The following GLG1 variants were observed in gnomAD, a reference collection of about 807,000 sequenced individuals.
GLG1 encodes the protein golgi glycoprotein 1, also known as Golgi apparatus protein 1.
A neutral mutation model predicts 160.5 loss-of-function variants in GLG1; 38 were observed. That is an observed-to-expected ratio of 0.24 (90% CI 0.18 to 0.31). The LOEUF is 0.31. GLG1 is among the 10% of genes least tolerant of loss of function. GLG1 has a pLI of 1.00. For synonymous variants in GLG1, 644 were observed against 543.4 expected (o/e 1.19, Z -2.57); for missense variants, 1,373 against 1,505.2 (o/e 0.91, Z 1.45).
chr16:74,551,489 T>TTA (rs58883603), intron 1 of GLG1, among the ~76,000 whole-genome samples: 23 of 145,190 alleles, frequency 1.6e-4, no homozygotes, highest in African/African-American at 2.8e-4. Context: ...TTTTTTTTTT[T>TTA]AATTTTTAGT....
Position 74,560,133 on chromosome 16 carries a change from C to G in GLG1, c.439-27980G>C, listed in dbSNP as rs989796279. On this transcript the variant is annotated intron_variant, in intron 1 of 25. Coordinates refer to ENST00000422840, the MANE Select transcript of GLG1 (RefSeq NM_001145667.2). The stretch of plus-strand genomic sequence containing the variant: ...CATTGTTCTGGGTGGGTCTACGGTG[C>G]TGTTTTTGGATGAGATTAGCACTTG... 6.6e-5 allele frequency among the ~76,000 whole-genome samples: 10 copies of G among 152,206 alleles called. No homozygotes were observed. In the East Asian group the frequency reaches 1.5e-3, roughly 24 times the overall value.
chr16:74,503,301 T>C (rs1001034051), intron 4 of GLG1, among the ~76,000 whole-genome samples: 29 of 152,094 alleles, frequency 1.9e-4, no homozygotes, highest in African/African-American at 6.8e-4. Flanking sequence ...ATAACACCAC[T>C]CTTTGCAGGT....
At chr16:74,486,568 A>G (rs2015792106) in intron 8 of GLG1, among the ~76,000 whole-genome samples, 2 of 152,230 alleles carry the variant, frequency 1.3e-5, no homozygotes, top group Admixed American at 6.5e-5. Context: ...AAATGAGACT[A>G]TATTCTTTAT....
chr16:74,506,526 G>T (rs1010100633), intron 3 of GLG1, among the ~76,000 whole-genome samples: 2 of 128,670 alleles, frequency 1.6e-5, no homozygotes, highest in East Asian at 5.2e-4. Context: ...AGCTTGCAGC[G>T]AGCAGAGATC....
rs2016286724 is a variant in GLG1 at position 74,498,461 on chromosome 16, T to TATATATATATATATATATATATAC, written c.775-1818_775-1817insGTATATATATATATATATATATAT. ...AAAAAAAAAAAAGTATATATATATA[T>TATATATATATATATATATATATAC]ATATATTATATTTTATATATATATT... On this transcript the variant is annotated intron_variant, in intron 4 of 25. Transcript: ENST00000422840. Among the ~76,000 whole-genome samples, 11 of 101,570 alleles carry TATATATATATATATATATATATAC rather than the reference T, an allele frequency of 1.1e-4. 2 individuals carry two copies. Among genetic ancestry groups the TATATATATATATATATATATATAC allele is most frequent in the Admixed American group, 7.4e-4 (7 of 9,400 alleles). 66.6% of individuals were successfully genotyped at this position (101,570 alleles called of 152,430 possible). A position where few individuals can be genotyped will look rare whatever the true frequency, so the allele number is the denominator to read the frequency against.
rs982641919 is a variant in GLG1 at position 74,463,068 on chromosome 16, T to C, written c.2791+288A>G. The C allele has an allele frequency of 8.4e-6, 4 of 473,790 alleles. No homozygotes were observed. In the East Asian group the frequency reaches 1.1e-4, roughly 13 times the overall value. 29.3% of individuals were successfully genotyped at this position (473,790 alleles called of 1,614,324 possible). A position where few individuals can be genotyped will look rare whatever the true frequency, so the allele number is the denominator to read the frequency against. On this transcript the variant is annotated intron_variant, in intron 20 of 25. Transcript: ENST00000422840. ...CCCGTACATTCTCCTGGCACACTCA[T>C]GAAGTTTTATTGAATTTCTAGATTT...
At chr16:74,601,397 C>T (rs4548905) in intron 1 of GLG1, among the ~76,000 whole-genome samples, 107,445 of 151,178 alleles carry the variant, frequency 0.71, 38,812 homozygotes, top group African/African-American at 0.83. Context: ...CTGGGCAACC[C>T]GGCAAGACCT....
intron 4 of GLG1, among the ~76,000 whole-genome samples, chr16:74,502,734 T>G (rs1230628163): frequency 3.5e-5 from 5 of 142,092 alleles, no homozygotes; most frequent in Admixed American, 2.8e-4. Flanking sequence ...TTTTTTTTTT[T>G]TTTTTTTTTG....
intron 4 of GLG1, 84 bp from the exon 5 acceptor site, chr16:74,496,728 AC>A (rs1330524181): frequency 5.3e-6 from 4 of 749,784 alleles, no homozygotes; most frequent in Non-Finnish European, 9.4e-6. Context: ...ACACACACAC[AC>A]ACACACACAC....
intron 4 of GLG1, among the ~76,000 whole-genome samples, chr16:74,497,983 C>T (rs1027869259): frequency 6.6e-6 from 1 of 152,180 alleles, no homozygotes; most frequent in African/African-American, 2.4e-5. Context: ...TTGTACACTT[C>T]ATCATCCCCA....
intron 1 of GLG1, among the ~76,000 whole-genome samples, chr16:74,572,183 G>C (rs1314325237): frequency 6.6e-5 from 10 of 152,264 alleles, no homozygotes; most frequent in Admixed American, 6.5e-4. Flanking sequence ...GATCACCAAA[G>C]GGCAATGATG....
At chr16:74,518,551 A>C (rs1305836979) in intron 2 of GLG1, among the ~76,000 whole-genome samples, 2 of 152,190 alleles carry the variant, frequency 1.3e-5, no homozygotes, top group African/African-American at 4.8e-5. Flanking sequence ...AAATAAACTC[A>C]AGATGGATCA....
rs1297210789 is a variant in GLG1, at chr16:74,511,584, TTAA to T, written c.472-2662_472-2660del. On this transcript the variant is annotated intron_variant, in intron 2 of 25. Coordinates refer to ENST00000422840, the MANE Select transcript of GLG1 (RefSeq NM_001145667.2). ...GGAGAATAACTTGAACCTTTTTTTT[TTAA>T]AAAAAAAAAAAAAAAGAAAGAAAGA... Among the ~76,000 whole-genome samples the T allele has an allele frequency of 9.5e-4, 83 of 86,988 alleles. No individual in the cohort carries two copies. The East Asian group carries it at 0.014, about 14-fold the overall frequency. The allele number at this position is 86,988 out of a possible 152,430, so 57.1% of individuals were successfully genotyped here.
At chr16:74,599,548 G>T (rs923129032) in intron 1 of GLG1, among the ~76,000 whole-genome samples, 3 of 152,078 alleles carry the variant, frequency 2.0e-5, no homozygotes, top group African/African-American at 7.2e-5. Context: ...GTGAAAACCC[G>T]TCTCTACTAA....
At chr16:74,589,996 TTTG>T (rs35360166) in intron 1 of GLG1, among the ~76,000 whole-genome samples, 101 of 151,008 alleles carry the variant, frequency 6.7e-4, no homozygotes, top group African/African-American at 2.2e-3. Flanking sequence ...AAACTTCACT[TTTG>T]TTGTTGTTGT....
chr16:74,465,878 T>G lies in GLG1; in HGVS notation c.2530-65A>C, dbSNP rs2303276. On this transcript the variant is annotated intron_variant, in intron 18 of 25. Transcript: ENST00000422840. ...AGACTGCTCATCCATGTGTTCTGAT[T>G]GAAACATTCAGCTCCACTGTGCCTC... 174 of 1,399,404 alleles carry G rather than the reference T, an allele frequency of 1.2e-4. 1 individual carries two copies. In the East Asian group the frequency reaches 3.9e-3, roughly 32 times the overall value. 86.7% of individuals were successfully genotyped at this position (1,399,404 alleles called of 1,614,324 possible).
intron 1 of GLG1, among the ~76,000 whole-genome samples, chr16:74,590,140 G>C (rs1301970540): frequency 6.6e-6 from 1 of 151,808 alleles, no homozygotes; most frequent in African/African-American, 2.4e-5. Flanking sequence ...AGGGACTACA[G>C]GCGCACGCCA....
intron 11 of GLG1, among the ~76,000 whole-genome samples, chr16:74,479,718 G>A (rs757156037): frequency 6.6e-6 from 1 of 152,124 alleles, no homozygotes; most frequent in Non-Finnish European, 1.5e-5. Context: ...ATGTCAGTGC[G>A]CACCGGGAAG....
intron 2 of GLG1, among the ~76,000 whole-genome samples, chr16:74,528,242 C>A (rs917597002): frequency 6.6e-6 from 1 of 152,004 alleles, no homozygotes; most frequent in Non-Finnish European, 1.5e-5. Flanking sequence ...CTCAAGCGAT[C>A]TGCCTGCCTC....
Sources: gnomAD v4.1 joint callset for allele counts (sites outside exome capture counted in the v4.1 genomes callset) on GRCh38, gnomAD v4.1.1 for gene constraint, MANE v1.5 for transcripts, NCBI Gene and HGNC (gene_info 2026-07-23, HGNC 2026-07-21) for gene names.